OPCML: variants seen among roughly 807,000 people sequenced by gnomAD.
OPCML encodes the protein opioid binding protein/cell adhesion molecule like.
Under a neutral mutation model 37.8 loss-of-function variants are expected in OPCML, and 13 were observed. The observed-to-expected ratio is 0.34, with a 90% CI of 0.22 to 0.55. The LOEUF is 0.55. Ranked by LOEUF, OPCML falls within the 20% of genes least tolerant of loss-of-function variation. The pLI is 0.91. For missense variants in OPCML, 341 were observed against 435.6 expected (o/e 0.78, Z 1.93); for synonymous variants, 176 against 168.8 (o/e 1.04, Z -0.33).
At chr11:132,669,363 C>T (rs1351281669) in intron 2 of OPCML, among the ~76,000 whole-genome samples, 3 of 151,642 alleles carry the variant, frequency 2.0e-5, no homozygotes, top group Non-Finnish European at 4.4e-5. Flanking sequence ...CATCCAATTC[C>T]CTAAGGAGAC....
At chr11:133,398,231 A>C (rs1271487261) in intron 1 of OPCML, among the ~76,000 whole-genome samples, 4 of 152,238 alleles carry the variant, frequency 2.6e-5, no homozygotes, top group Non-Finnish European at 5.9e-5. Context: ...TGATGTTTTC[A>C]AGCCTCGTCT....
intron 3 of OPCML, among the ~76,000 whole-genome samples, chr11:132,604,640 A>G (rs567789100): frequency 2.6e-4 from 39 of 152,266 alleles, no homozygotes; most frequent in Non-Finnish European, 5.3e-4. Flanking sequence ...ACCTCTCTTC[A>G]TGACTTTCTT....
chr11:132,632,543 C>G (rs9633971), intron 3 of OPCML, among the ~76,000 whole-genome samples: 26,197 of 151,954 alleles, frequency 0.17, 2,311 homozygotes, highest in Middle Eastern at 0.22. Context: ...TCCAGTGGCT[C>G]TATGATTCTC....
intron 1 of OPCML, among the ~76,000 whole-genome samples, chr11:133,307,180 G>A (rs779686586): frequency 1.3e-5 from 2 of 152,012 alleles, no homozygotes; most frequent in Non-Finnish European, 2.9e-5. Context: ...AAAAGTAAAT[G>A]AATGTCAGAG....
chr11:133,112,448 G>A (rs1237018273), intron 1 of OPCML, among the ~76,000 whole-genome samples: 3 of 152,052 alleles, frequency 2.0e-5, no homozygotes, highest in Non-Finnish European at 4.4e-5. Context: ...TAGAAAATCA[G>A]CAACATTTAG....
chr11:132,543,376 G>A (rs2096361595), intron 3 of OPCML, among the ~76,000 whole-genome samples: 2 of 151,936 alleles, frequency 1.3e-5, no homozygotes. Flanking sequence ...AGCCAGGCAT[G>A]GTGGCATGCG....
Position 132,775,779 on chromosome 11 carries a change from C to T in OPCML, c.147-118460G>A, listed in dbSNP as rs115131834. On this transcript the variant is annotated intron_variant, in intron 2 of 7. Coordinates refer to ENST00000524381, the MANE Select transcript of OPCML (RefSeq NM_001012393.5). Reference sequence around the variant, plus strand: ...TTTCAAAGAATGCCAGCCCAAGGTTCCATCGACAGGTGTCATATGGGACAC... The same window carrying T: ...TTTCAAAGAATGCCAGCCCAAGGTTTCATCGACAGGTGTCATATGGGACAC... 3.9e-3 allele frequency among the ~76,000 whole-genome samples: 600 copies of T among 152,350 alleles called. 7 individuals carry two copies. The highest frequency in any genetic ancestry group is 0.014 in the African/African-American group (577 of 41,590).
chr11:133,007,724 A>T, intron 1 of OPCML: 1 of 985,492 alleles, frequency 1.0e-6, no homozygotes, highest in Non-Finnish European at 1.2e-6. Context: ...GTCTGATGGA[A>T]GCAGACCCAG....
chr11:133,229,628 T>C (rs1287288666), intron 1 of OPCML, among the ~76,000 whole-genome samples: 1 of 151,974 alleles, frequency 6.6e-6, no homozygotes, highest in Non-Finnish European at 1.5e-5. Context: ...GTTACCAAGA[T>C]CTACAGTAAC....
In OPCML at chr11:133,174,064, CT is replaced by C. The variant is rs1357491383; in HGVS notation, c.62-231055del. ...CTGCACTGCGGCCATAAATCAGGAA[CT>C]AATTCAATCCTGTGAGATGCCTCGT... is the stretch of plus-strand genomic sequence containing the variant. On this transcript the variant is annotated intron_variant, in intron 1 of 7. Transcript: ENST00000524381. This position sits in a 1 kb window ranked among gnomAD's most constrained non-coding sequence, Gnocchi z 4.6. Among the ~76,000 whole-genome samples, 2 of 152,242 alleles carry C rather than the reference CT, an allele frequency of 1.3e-5. No individual in the cohort carries two copies. Among genetic ancestry groups the C allele is most frequent in the Non-Finnish European group, 2.9e-5 (2 of 68,044 alleles).
chr11:133,112,069 T>C (rs1335442686), intron 1 of OPCML, among the ~76,000 whole-genome samples: 1 of 152,052 alleles, frequency 6.6e-6, no homozygotes, highest in Non-Finnish European at 1.5e-5. Context: ...ATTGCCAGGA[T>C]TGCATGCAAT....
At chr11:133,328,410 G>A (rs572774403) in intron 1 of OPCML, among the ~76,000 whole-genome samples, 50 of 152,086 alleles carry the variant, frequency 3.3e-4, no homozygotes, top group Admixed American at 1.0e-3. Context: ...CACCTGCCTC[G>A]GCCTCCCAAT....
intron 3 of OPCML, among the ~76,000 whole-genome samples, chr11:132,586,570 A>G (rs1591589921): frequency 6.6e-6 from 1 of 152,218 alleles, no homozygotes; most frequent in East Asian, 1.9e-4. Context: ...TGGGATGAAC[A>G]ATAATGTGCA....
At chr11:132,619,994 AAATTTTCTCTT>A (rs1347098562) in intron 3 of OPCML, among the ~76,000 whole-genome samples, 2 of 152,204 alleles carry the variant, frequency 1.3e-5, no homozygotes, top group Non-Finnish European at 2.9e-5. Flanking sequence ...AAACTCAGTG[AAATTTTCTCTT>A]AATTTTCTCT....
intron 1 of OPCML, among the ~76,000 whole-genome samples, chr11:133,476,194 T>C (rs768457606): frequency 5.9e-5 from 9 of 152,220 alleles, no homozygotes; most frequent in Non-Finnish European, 1.2e-4. Flanking sequence ...AGGCTCATCC[T>C]CTGGGGACTT....
chr11:132,441,874 A>G (rs1283213507), intron 4 of OPCML, among the ~76,000 whole-genome samples: 1 of 152,184 alleles, frequency 6.6e-6, no homozygotes, highest in African/African-American at 2.4e-5. Context: ...CTGTGGATCT[A>G]AGGGGGCTTT....
At chr11:132,565,025 G>A (rs4309173) in intron 3 of OPCML, among the ~76,000 whole-genome samples, 14,020 of 152,154 alleles carry the variant, frequency 0.092, 808 homozygotes, top group African/African-American at 0.16. Context: ...AACAAGAAGA[G>A]GTAAGTGAAA....
At chr11:133,454,741 A>T (rs1946642851) in intron 1 of OPCML, among the ~76,000 whole-genome samples, 1 of 152,210 alleles carries the variant, frequency 6.6e-6, no homozygotes, top group Admixed American at 6.5e-5. Flanking sequence ...CTATATCACG[A>T]TGTCTTTGGA....
At chr11:132,710,511 A>G (rs1237763982) in intron 2 of OPCML, among the ~76,000 whole-genome samples, 3 of 152,182 alleles carry the variant, frequency 2.0e-5, no homozygotes, top group Non-Finnish European at 2.9e-5. Context: ...CAATTAGTTG[A>G]ACAATTGCCT....
Sources: allele counts gnomAD v4.1 joint callset (sites outside exome capture counted in the v4.1 genomes callset), GRCh38; gene constraint gnomAD v4.1.1; non-coding constraint Gnocchi (gnomAD v3.1); transcripts MANE v1.5; gene names NCBI Gene and HGNC (gene_info 2026-07-23, HGNC 2026-07-21).